PCDHGA9: variants seen among roughly 807,000 people sequenced by gnomAD.
The protein encoded by PCDHGA9 is protocadherin gamma-A9.
PCDHGA9 carries 37 observed loss-of-function variants against 62.5 expected under a neutral mutation model. The ratio of observed to expected loss-of-function variants is 0.59; its 90% CI spans 0.46 to 0.78. PCDHGA9 has a LOEUF of 0.78. PCDHGA9 is among the 30% of genes least tolerant of loss of function. The pLI, the probability that PCDHGA9 is intolerant of heterozygous loss-of-function variation, is 0.00. For synonymous variants in PCDHGA9, 459 were observed against 484.6 expected (o/e 0.95, Z 0.69); for missense variants, 1,138 against 1,166.2 (o/e 0.98, Z 0.35).
In PCDHGA9 at chr5:141,409,983, T is replaced by C. The variant is rs1481655663; in HGVS notation, c.2424+4607T>C. The C allele has an allele frequency of 1.2e-6, 2 of 1,613,160 alleles. No individual in the cohort carries two copies. Among genetic ancestry groups the C allele is most frequent in the African/African-American group, 2.7e-5 (2 of 74,914 alleles). On this transcript the variant is annotated intron_variant, in intron 1 of 3. Coordinates refer to ENST00000573521, the MANE Select transcript of PCDHGA9 (RefSeq NM_018921.3). ...TACCTAGTGACTAAGGTGGTAGCGG[T>C]GGACGCCGACTCGGGACACAACGCC... is the stretch of plus-strand genomic sequence containing the variant.
chr5:141,430,930 G>A, intron 1 of PCDHGA9: 2 of 1,607,320 alleles, frequency 1.2e-6, no homozygotes, highest in Non-Finnish European at 1.7e-6. Context: ...TGGAGCCCCG[G>A]GAGCTCGCGG....
At chr5:141,461,826 T>G (rs1466528519) in intron 1 of PCDHGA9, among the ~76,000 whole-genome samples, 2 of 151,912 alleles carry the variant, frequency 1.3e-5, no homozygotes, top group Non-Finnish European at 1.5e-5. Flanking sequence ...GCTAATTTTT[T>G]TTTCTTTTTT....
intron 1 of PCDHGA9, chr5:141,419,150 C>T (rs1276109093): frequency 1.2e-6 from 2 of 1,613,850 alleles, no homozygotes; most frequent in Admixed American, 3.3e-5. Flanking sequence ...GGGCAAGCCT[C>T]CGTTATCCTC....
rs190948188 is a variant in PCDHGA9 at position 141,505,972 on chromosome 5, C to T, written c.2572+491C>T. Among the ~76,000 whole-genome samples the T allele has an allele frequency of 5.4e-4, 82 of 152,250 alleles. 1 individual carries two copies. The highest frequency in any genetic ancestry group is 1.9e-3 in the African/African-American group (79 of 41,558). ...GAAAGTGGGTGTAGAAATCCCCAGC[C>T]GAGAGAACACCTCCTCTTTATGCGA... On this transcript the variant is annotated intron_variant, in intron 3 of 3. Transcript: ENST00000573521.
At position 141,491,346 on chromosome 5, in the gene PCDHGA9, T is replaced by A. The variant is rs760843553; in HGVS notation, c.2425-3461T>A. ...TCATTGTGGCTCTAGCGACCGTCAG[T>A]CTCTTATCCCTAGTCACCTTCACCT... On this transcript the variant is annotated intron_variant, in intron 1 of 3. Coordinates refer to ENST00000573521, the MANE Select transcript of PCDHGA9 (RefSeq NM_018921.3). This position sits in a 1 kb window ranked among gnomAD's most constrained non-coding sequence, Gnocchi z 6.9. The A allele has an allele frequency of 6.2e-7, 1 of 1,614,088 alleles. No individual in the cohort carries two copies. The highest frequency in any genetic ancestry group is 1.1e-5 in the South Asian group (1 of 91,080).
intron 1 of PCDHGA9, chr5:141,410,606 G>C: frequency 1.2e-6 from 2 of 1,607,214 alleles, no homozygotes; most frequent in Non-Finnish European, 1.7e-6. Flanking sequence ...TTCACATCCT[G>C]AGACTCTGAC....
At position 141,487,499 on chromosome 5, in the gene PCDHGA9, G is replaced by C; in HGVS notation, c.2425-7308G>C. 6.2e-7 allele frequency: 1 copy of C among 1,614,152 alleles called. No individual in the cohort carries two copies. The highest frequency in any genetic ancestry group is 1.3e-5 in the African/African-American group (1 of 75,042). ...CCACTCTCATGGCTGTACACCCTTG[G>C]CTTCTGCACCCACTCGGAGTGATAG... On this transcript the variant is annotated intron_variant, in intron 1 of 3. Coordinates refer to ENST00000573521, the MANE Select transcript of PCDHGA9 (RefSeq NM_018921.3). The surrounding 1 kb of genome is among the most constrained non-coding windows in gnomAD (Gnocchi z 5.0).
intron 1 of PCDHGA9, chr5:141,413,734 C>A: frequency 6.2e-7 from 1 of 1,613,422 alleles, no homozygotes; most frequent in Non-Finnish European, 8.5e-7. Context: ...CCTAAGAGTT[C>A]AGAGCCGTGC....
At chr5:141,450,829 A>ATT (rs373424450) in intron 1 of PCDHGA9, among the ~76,000 whole-genome samples, 8,685 of 135,030 alleles carry the variant, frequency 0.064, 328 homozygotes, top group South Asian at 0.088. Context: ...TATTATTATT[A>ATT]TTTTTTTTTT....
At chr5:141,418,743 A>G in intron 1 of PCDHGA9, 5 of 1,613,954 alleles carry the variant, frequency 3.1e-6, no homozygotes, top group African/African-American at 1.3e-5. Context: ...TTCTCTCTGG[A>G]TTACACTACA....
chr5:141,477,553 A>T lies in PCDHGA9; in HGVS notation c.2425-17254A>T, dbSNP rs1478806410. 6.2e-7 allele frequency: 1 copy of T among 1,614,090 alleles called. No homozygotes were observed. Among genetic ancestry groups the T allele is most frequent in the Admixed American group, 1.7e-5 (1 of 60,028 alleles). On this transcript the variant is annotated intron_variant, in intron 1 of 3. Coordinates refer to ENST00000573521, the MANE Select transcript of PCDHGA9 (RefSeq NM_018921.3). The surrounding 1 kb of genome is among the most constrained non-coding windows in gnomAD (Gnocchi z 4.9). ...TCCCCGGGGCTCCAATACTAAACCT[A>T]AGTGTCTGGGACCCCGACGCCCCGC...
rs1460389320 is a variant in PCDHGA9 at position 141,490,134 on chromosome 5, C to T, written c.2425-4673C>T. The T allele has an allele frequency of 2.5e-6, 4 of 1,614,114 alleles. No homozygotes were observed. Among genetic ancestry groups the T allele is most frequent in the Admixed American group, 3.3e-5 (2 of 59,998 alleles). ...GGAACCTCTTTGGCCTAGACCCTAG[C>T]AGTGGGGCAATCCATGTGTTGGGTC... On this transcript the variant is annotated intron_variant, in intron 1 of 3. Coordinates refer to ENST00000573521, the MANE Select transcript of PCDHGA9 (RefSeq NM_018921.3). This position sits in a 1 kb window ranked among gnomAD's most constrained non-coding sequence, Gnocchi z 5.4.
At chr5:141,479,930 T>C (rs1355410974) in intron 1 of PCDHGA9, among the ~76,000 whole-genome samples, 15 of 152,218 alleles carry the variant, frequency 9.9e-5, no homozygotes, top group Non-Finnish European at 1.9e-4. Context: ...CAGTGCATCA[T>C]TGCTATCAAC....
rs2096370584 is a variant in PCDHGA9 at position 141,419,372 on chromosome 5, G to A, written c.2424+13996G>A. On this transcript the variant is annotated intron_variant, in intron 1 of 3. Coordinates refer to ENST00000573521, the MANE Select transcript of PCDHGA9 (RefSeq NM_018921.3). The stretch of plus-strand genomic sequence containing the variant: ...GGAGTCACGAACGCTGTCGTCCTAC[G>A]TGTCCGTGAGCGCGCAGAGCGGGGT... 2 of 1,613,728 alleles carry A rather than the reference G, an allele frequency of 1.2e-6. No homozygotes were observed. Among genetic ancestry groups the A allele is most frequent in the South Asian group, 1.1e-5 (1 of 91,088 alleles).
intron 1 of PCDHGA9, among the ~76,000 whole-genome samples, chr5:141,460,914 A>G (rs62379191): frequency 4.9e-5 from 6 of 122,236 alleles, no homozygotes; most frequent in Non-Finnish European, 5.2e-5. Context: ...TCCATGGTGT[A>G]TATATATATA....
intron 1 of PCDHGA9, among the ~76,000 whole-genome samples, chr5:141,467,628 CA>C (rs1301043003): frequency 6.6e-6 from 1 of 152,106 alleles, no homozygotes; most frequent in Non-Finnish European, 1.5e-5. Context: ...TTTGAGATAG[CA>C]TCTTTATCAT....
At chr5:141,409,652 A>G in intron 1 of PCDHGA9, 1 of 1,613,654 alleles carries the variant, frequency 6.2e-7, no homozygotes, top group Non-Finnish European at 8.5e-7. Flanking sequence ...TTTGGGGCTC[A>G]ATGGCCACAT....
At chr5:141,448,654 A>G (rs966383140) in intron 1 of PCDHGA9, among the ~76,000 whole-genome samples, 1 of 152,048 alleles carries the variant, frequency 6.6e-6, no homozygotes, top group African/African-American at 2.4e-5. Context: ...AAATATTTCC[A>G]TATTGGCCGG....
chr5:141,478,199 C>T lies in PCDHGA9; in HGVS notation c.2425-16608C>T, dbSNP rs759439765. 3.7e-6 allele frequency: 6 copies of T among 1,614,056 alleles called. No homozygotes were observed. The Middle Eastern group carries it at 6.6e-4, about 178-fold the overall frequency. On this transcript the variant is annotated intron_variant, in intron 1 of 3. Coordinates refer to ENST00000573521, the MANE Select transcript of PCDHGA9 (RefSeq NM_018921.3). ...GAAAAAAAATCTCACCTTTTATCTA[C>T]TTCTTTCTCTAATCCTGGTTTCTGT...
Sources: gnomAD v4.1 joint callset for allele counts (sites outside exome capture counted in the v4.1 genomes callset) on GRCh38, gnomAD v4.1.1 for gene constraint, Gnocchi (gnomAD v3.1) non-coding constraint, MANE v1.5 for transcripts, NCBI Gene and HGNC (gene_info 2026-07-23, HGNC 2026-07-21) for gene names.